SUGCT: variants seen among roughly 807,000 people sequenced by gnomAD.
SUGCT encodes succinyl-CoA:glutarate-CoA transferase.
Under a neutral mutation model 55.0 loss-of-function variants are expected in SUGCT, and 41 were observed. The observed-to-expected ratio is 0.74, with a 90% CI of 0.58 to 0.97. The LOEUF (loss-of-function observed/expected upper bound fraction) is 0.97. SUGCT is among the 50% of genes least tolerant of loss of function. The pLI, the probability that SUGCT is intolerant of heterozygous loss-of-function variation, is 0.00. For missense variants in SUGCT, 568 were observed against 547.8 expected, an observed-to-expected ratio of 1.04 and a Z score of -0.37; for synonymous variants, 187 against 200.4, an observed-to-expected ratio of 0.93 and a Z score of 0.56.
intron 3 of SUGCT, among the ~76,000 whole-genome samples, chr7:40,186,541 G>C (rs920126852): frequency 6.6e-6 from 1 of 152,136 alleles, no homozygotes; most frequent in Non-Finnish European, 1.5e-5. Context: ...TTACCAGCAT[G>C]AGCCACCGGA....
chr7:40,208,398 C>G (rs1471211001), intron 6 of SUGCT, among the ~76,000 whole-genome samples: 1 of 152,014 alleles, frequency 6.6e-6, no homozygotes, highest in East Asian at 1.9e-4. Context: ...AAAGAATAGT[C>G]TAAACTATAA....
intron 12 of SUGCT, among the ~76,000 whole-genome samples, chr7:40,744,766 TTAC>T (rs1222815620): frequency 2.6e-5 from 4 of 152,204 alleles, no homozygotes; most frequent in Non-Finnish European, 1.5e-5. Context: ...GCACCTGCTG[TTAC>T]TACATTTATC....
intron 12 of SUGCT, among the ~76,000 whole-genome samples, chr7:40,712,325 A>G (rs139148501): frequency 1.5e-3 from 234 of 152,366 alleles, no homozygotes; most frequent in African/African-American, 5.3e-3. Flanking sequence ...AAGTAATTCT[A>G]TAAGAACAGA....
the SUGCT span, among the ~76,000 whole-genome samples, chr7:41,006,474 G>A: frequency 6.6e-6 from 1 of 152,072 alleles, no homozygotes; most frequent in African/African-American, 2.4e-5. Context: ...AAAAGCTTTG[G>A]GTTGCCATCA....
the SUGCT span, among the ~76,000 whole-genome samples, chr7:40,914,707 C>T: frequency 6.6e-6 from 1 of 152,210 alleles, no homozygotes; most frequent in East Asian, 1.9e-4. Context: ...ATATCTTACA[C>T]TGCTGTATCT....
In SUGCT at chr7:40,600,292, A is replaced by G. The variant is rs149921617; in HGVS notation, c.1089+103906A>G. On this transcript the variant is annotated intron_variant, in intron 12 of 13. Coordinates refer to ENST00000335693, the MANE Select transcript of SUGCT (RefSeq NM_001193313.2). The stretch of plus-strand genomic sequence containing the variant: ...ACTCAAGCTGGATTTCTGTGCATCT[A>G]AGAAAGTTACTTCATGCAAGTCTCC... Among the ~76,000 whole-genome samples, 116 of 152,318 alleles carry G rather than the reference A, an allele frequency of 7.6e-4. 1 individual carries two copies. The highest frequency in any genetic ancestry group is 2.4e-3 in the Admixed American group (36 of 15,306).
At chr7:40,648,110 AT>A (rs1800613431) in intron 12 of SUGCT, among the ~76,000 whole-genome samples, 1 of 152,232 alleles carries the variant, frequency 6.6e-6, no homozygotes, top group Non-Finnish European at 1.5e-5. Flanking sequence ...GTAATAAAAT[AT>A]TTAAAGTATA....
At chr7:40,690,222 G>C (rs1784634852) in intron 12 of SUGCT, among the ~76,000 whole-genome samples, 1 of 151,934 alleles carries the variant, frequency 6.6e-6, no homozygotes, top group Non-Finnish European at 1.5e-5. Flanking sequence ...TGGTTGTCTG[G>C]GACTGTTGCC....
intron 8 of SUGCT, among the ~76,000 whole-genome samples, chr7:40,306,884 T>C (rs529144004): frequency 6.6e-6 from 1 of 152,324 alleles, no homozygotes; most frequent in Non-Finnish European, 1.5e-5. Context: ...CTGTCTCTCT[T>C]TGCTGTCTGG....
intron 12 of SUGCT, among the ~76,000 whole-genome samples, chr7:40,527,450 C>A (rs1300135511): frequency 6.6e-6 from 1 of 152,174 alleles, no homozygotes; most frequent in East Asian, 1.9e-4. Context: ...CATCCCTTTT[C>A]CTGTGTCCCA....
At chr7:41,010,074 G>A in the SUGCT span, among the ~76,000 whole-genome samples, 1 of 152,216 alleles carries the variant, frequency 6.6e-6, no homozygotes, top group Admixed American at 6.5e-5. Context: ...CAGATCAAGA[G>A]GAAGCTTGCT....
chr7:40,519,645 CAGG>C (rs748217573), intron 12 of SUGCT, among the ~76,000 whole-genome samples: 134 of 151,800 alleles, frequency 8.8e-4, no homozygotes, highest in Non-Finnish European at 1.7e-3. Context: ...AATAAATTGC[CAGG>C]AGAATAGAAA....
intron 13 of SUGCT, among the ~76,000 whole-genome samples, chr7:40,824,956 G>A (rs1306653332): frequency 6.6e-6 from 1 of 152,186 alleles, no homozygotes; most frequent in Non-Finnish European, 1.5e-5. Flanking sequence ...ATTGCAGCCT[G>A]TCACAGACCA....
At chr7:40,952,418 C>A in the SUGCT span, among the ~76,000 whole-genome samples, 1 of 152,166 alleles carries the variant, frequency 6.6e-6, no homozygotes, top group Non-Finnish European at 1.5e-5. Flanking sequence ...ATTTGCCAGT[C>A]TGTGTCTTTT....
chr7:40,399,183 A>G (rs945826309), intron 9 of SUGCT, among the ~76,000 whole-genome samples: 4 of 152,182 alleles, frequency 2.6e-5, no homozygotes, highest in Admixed American at 1.3e-4. Context: ...GATGGTATTT[A>G]TACTAATTTC....
At chr7:40,303,607 C>G (rs1052133862) in intron 8 of SUGCT, among the ~76,000 whole-genome samples, 4 of 152,140 alleles carry the variant, frequency 2.6e-5, no homozygotes, top group Admixed American at 2.6e-4. Context: ...CCTCAGCCTC[C>G]TGAGTAGATG....
At chr7:40,258,808 A>G (rs1028056206) in intron 7 of SUGCT, among the ~76,000 whole-genome samples, 1 of 152,214 alleles carries the variant, frequency 6.6e-6, no homozygotes, top group Non-Finnish European at 1.5e-5. Flanking sequence ...GAACAACTAT[A>G]TGATCCAGCA....
chr7:40,454,152 T>C (rs1193451837), intron 10 of SUGCT, among the ~76,000 whole-genome samples: 2 of 151,998 alleles, frequency 1.3e-5, no homozygotes, highest in African/African-American at 4.8e-5. Flanking sequence ...AAACAAGAAA[T>C]AACAGATCCT....
chr7:41,003,790 A>G, the SUGCT span, among the ~76,000 whole-genome samples: 3 of 152,188 alleles, frequency 2.0e-5, no homozygotes, highest in Non-Finnish European at 2.9e-5. Context: ...TTTGTGCAAC[A>G]CTTACATTCC....
Sources: gnomAD v4.1 joint callset for allele counts (sites outside exome capture counted in the v4.1 genomes callset) on GRCh38, gnomAD v4.1.1 for gene constraint, MANE v1.5 for transcripts, NCBI Gene and HGNC (gene_info 2026-07-23, HGNC 2026-07-21) for gene names.